The following OTUD4 variants were observed in gnomAD, a reference collection of about 807,000 sequenced individuals.
OTUD4 encodes OTU deubiquitinase 4.
A neutral mutation model predicts 130.4 loss-of-function variants in OTUD4; 24 were observed. The observed-to-expected ratio is 0.18, with a 90% CI of 0.13 to 0.26. The LOEUF is 0.26. Ranked by LOEUF, OTUD4 falls within the 10% of genes least tolerant of loss-of-function variation. OTUD4 has a pLI of 1.00. For synonymous variants in OTUD4, 420 were observed against 472.5 expected, an observed-to-expected ratio of 0.89 and a Z score of 1.44; for missense variants, 1,031 against 1,329.4, an observed-to-expected ratio of 0.78 and a Z score of 3.49.
At position 145,162,663 on chromosome 4, in the gene OTUD4, T is replaced by G. The variant is rs1294131982; in HGVS notation, c.473A>C (p.Lys158Thr). The G allele has an allele frequency of 6.5e-7, 1 of 1,543,226 alleles. No homozygotes were observed. The highest frequency in any genetic ancestry group is 1.4e-5 in the African/African-American group (1 of 72,470). The stretch of plus-strand genomic sequence containing the variant: ...ACACTGACACATAGCAGAGCTTTCT[T>G]TATACTTTATGGGATACACAATATC... ...HYDIVYPIKY[K>T]ESSAMCQSLL... The change falls in exon 6 of 21, where the codon AAA becomes ACA. Residue 158 changes from lysine to threonine, a missense_variant. By Grantham distance (78) the Lys-to-Thr change is moderately conservative. This residue lies in a region of OTUD4 where 77 missense variants were observed against 172.9 expected (regional missense o/e 0.45). Coordinates refer to ENST00000447906, the MANE Select transcript of OTUD4 (RefSeq NM_001366057.1).
chr4:145,139,107 C>T (rs776465132), intron 20 of OTUD4, among the ~76,000 whole-genome samples: 11 of 152,172 alleles, frequency 7.2e-5, no homozygotes, highest in Non-Finnish European at 1.5e-4. Flanking sequence ...TAAGTTAGAC[C>T]TCTAATCAGG....
At chr4:145,161,624 T>C (rs953372976) in intron 6 of OTUD4, among the ~76,000 whole-genome samples, 2 of 152,144 alleles carry the variant, frequency 1.3e-5, no homozygotes, top group Admixed American at 6.5e-5. Context: ...TTTGGCAAAA[T>C]CTGGAAATAT....
chr4:145,140,423 G>C (rs368362850), intron 19 of OTUD4, among the ~76,000 whole-genome samples: 19 of 152,208 alleles, frequency 1.2e-4, no homozygotes. Context: ...CATATGCCAT[G>C]AGCCAGTTAC....
intron 17 of OTUD4, among the ~76,000 whole-genome samples, chr4:145,142,978 A>G (rs1433570024): frequency 6.6e-6 from 1 of 152,232 alleles, no homozygotes; most frequent in Non-Finnish European, 1.5e-5. Flanking sequence ...CATCTGTGAA[A>G]TAACTGATGC....
At position 145,152,612 on chromosome 4, in the gene OTUD4, T is replaced by C. The variant is rs2126764719; in HGVS notation, c.897A>G (p.Lys299=). 6.2e-7 allele frequency: 1 copy of C among 1,610,862 alleles called. No homozygotes were observed. Among genetic ancestry groups the C allele is most frequent in the Non-Finnish European group, 8.5e-7 (1 of 1,177,436 alleles). The change falls in exon 11 of 21, where the codon AAA becomes AAG. Residue 299 remains lysine, a synonymous_variant. Transcript: ENST00000447906. Reference sequence around the variant, plus strand: ...TTCCTTGAACATCTGCATTCAAAAATTTTCCATTGTGATCCAACCTAACCT... The same window carrying C: ...TTCCTTGAACATCTGCATTCAAAAACTTTCCATTGTGATCCAACCTAACCT... ...KCQVRLDHNG[K]FLNADVQGIH...
At chr4:145,159,066 T>C in intron 7 of OTUD4, 2 of 801,500 alleles carry the variant, frequency 2.5e-6, no homozygotes, top group Non-Finnish European at 3.1e-6. Flanking sequence ...TTCACATACT[T>C]ATAACCCCAA....
intron 2 of OTUD4, among the ~76,000 whole-genome samples, chr4:145,172,114 C>G (rs957236048): frequency 6.6e-6 from 1 of 152,218 alleles, no homozygotes; most frequent in African/African-American, 2.4e-5. Flanking sequence ...TGTTGTGGAA[C>G]TGAGTGGGAG....
intron 4 of OTUD4, among the ~76,000 whole-genome samples, chr4:145,164,684 T>G (rs1312570648): frequency 6.6e-6 from 1 of 152,134 alleles, no homozygotes; most frequent in Non-Finnish European, 1.5e-5. Flanking sequence ...TTGGAGCATT[T>G]TGGATTTCAG....
intron 13 of OTUD4, 42 bp downstream of exon 13, chr4:145,150,471 C>T (rs771165572): frequency 3.4e-5 from 47 of 1,382,058 alleles, no homozygotes; most frequent in Non-Finnish European, 4.7e-5. Context: ...ACAAATGCCT[C>T]TTACTTGATT....
At chr4:145,169,982 T>A (rs1469038954) in intron 3 of OTUD4, among the ~76,000 whole-genome samples, 1 of 152,142 alleles carries the variant, frequency 6.6e-6, no homozygotes, top group African/African-American at 2.4e-5. Context: ...TTAAATGATA[T>A]AAGCACTACA....
chr4:145,134,215 G>C lies in OTUD4; in HGVS notation c.*3215C>G, dbSNP rs2126724761. ...TCTGAAAATAACATATTGGAAATGA[G>C]ACATTATTAGGATTTTAAACAAACA... On this transcript the variant is annotated 3_prime_UTR_variant, in exon 21 of 21. Transcript: ENST00000447906. The C allele has an allele frequency of 6.5e-6, 1 of 152,884 alleles. No individual in the cohort carries two copies. Among genetic ancestry groups the C allele is most frequent in the Non-Finnish European group, 1.5e-5 (1 of 68,148 alleles). 9.5% of individuals were successfully genotyped at this position (152,884 alleles called of 1,614,324 possible).
chr4:145,165,493 T>C (rs147112385), intron 3 of OTUD4, among the ~76,000 whole-genome samples: 170 of 152,244 alleles, frequency 1.1e-3, no homozygotes, highest in African/African-American at 3.9e-3. Context: ...TTTTTTTTTT[T>C]TGAGATGGAG....
At chr4:145,159,770 G>A in intron 6 of OTUD4, 135 bp from the exon 7 acceptor site, 3 of 756,470 alleles carry the variant, frequency 4.0e-6, no homozygotes, top group Non-Finnish European at 6.2e-6. Flanking sequence ...AAACCTTATG[G>A]TCAATAACAT....
chr4:145,134,896 A>G lies in OTUD4; in HGVS notation c.*2534T>C, dbSNP rs139453339. 7.1e-4 allele frequency: 283 copies of G among 398,946 alleles called. No individual in the cohort carries two copies. The highest frequency in any genetic ancestry group is 5.0e-3 in the African/African-American group (246 of 48,758). 24.7% of individuals were successfully genotyped at this position (398,946 alleles called of 1,614,324 possible). A position where few individuals can be genotyped will look rare whatever the true frequency, so the allele number is the denominator to read the frequency against. Reference sequence around the variant, plus strand: ...TATGATCATAATATGGTGAAGTTTCATAATTTCCAACTCAAAAATACAAAT... The same window carrying G: ...TATGATCATAATATGGTGAAGTTTCGTAATTTCCAACTCAAAAATACAAAT... On this transcript the variant is annotated 3_prime_UTR_variant, in exon 21 of 21. Coordinates refer to ENST00000447906, the MANE Select transcript of OTUD4 (RefSeq NM_001366057.1).
At chr4:145,178,001 T>A (rs1345094760) in intron 1 of OTUD4, 1 of 152,212 alleles carries the variant, frequency 6.6e-6, no homozygotes, top group Admixed American at 6.5e-5. Context: ...ACTGAATAAC[T>A]GAACTTCCCC....
intron 14 of OTUD4, 116 bp downstream of exon 14, chr4:145,146,151 A>G: frequency 1.8e-6 from 1 of 560,582 alleles, no homozygotes; most frequent in East Asian, 3.4e-5. Flanking sequence ...TGTGATCTTT[A>G]AAGTATTTAG....
intron 7 of OTUD4, 64 bp downstream of exon 7, chr4:145,159,439 A>C (rs1751448964): frequency 6.2e-7 from 1 of 1,602,170 alleles, no homozygotes; most frequent in Non-Finnish European, 8.5e-7. Flanking sequence ...ACTGAAATGT[A>C]AAGACATTTA....
intron 7 of OTUD4, among the ~76,000 whole-genome samples, chr4:145,156,871 G>C (rs778775261): frequency 2.8e-4 from 42 of 152,048 alleles, no homozygotes; most frequent in Non-Finnish European, 5.4e-4. Flanking sequence ...AACTGTGCAG[G>C]TCCACTTACA....
At chr4:145,140,738 CCA>C (rs536999018) in intron 19 of OTUD4, among the ~76,000 whole-genome samples, 219 of 152,134 alleles carry the variant, frequency 1.4e-3, no homozygotes, top group African/African-American at 5.0e-3. Flanking sequence ...TGATAAAGCT[CCA>C]CAGTGTTTAG....
Sources: allele counts gnomAD v4.1 joint callset (sites outside exome capture counted in the v4.1 genomes callset), GRCh38; gene constraint gnomAD v4.1.1; regional missense constraint gnomAD v4.1.1; transcripts MANE v1.5; gene names NCBI Gene and HGNC (gene_info 2026-07-23, HGNC 2026-07-21).